LMBR1: variants seen among roughly 807,000 people sequenced by gnomAD.
LMBR1 encodes limb region 1 protein homolog.
A neutral mutation model predicts 73.9 loss-of-function variants in LMBR1; 52 were observed. The ratio of observed to expected loss-of-function variants is 0.70; its 90% CI spans 0.56 to 0.89. The LOEUF (loss-of-function observed/expected upper bound fraction) is 0.89. Among genes scored for constraint, LMBR1 ranks in the 40% least tolerant of loss-of-function variants. The probability of loss-of-function intolerance (pLI) is 0.00; values close to 1 mark genes in which losing one functional copy is unlikely to be tolerated. For synonymous variants in LMBR1, 215 were observed against 209.4 expected, an observed-to-expected ratio of 1.03 and a Z score of -0.23; for missense variants, 539 against 579.8, an observed-to-expected ratio of 0.93 and a Z score of 0.72.
intron 2 of LMBR1, among the ~76,000 whole-genome samples, chr7:156,836,414 A>G (rs1197255845): frequency 6.6e-6 from 1 of 152,222 alleles, no homozygotes; most frequent in East Asian, 1.9e-4. Context: ...ATTGGATACT[A>G]AATAGTATTA....
chr7:156,849,470 A>G (rs1240049194), intron 1 of LMBR1, among the ~76,000 whole-genome samples: 1 of 152,180 alleles, frequency 6.6e-6, no homozygotes, highest in Non-Finnish European at 1.5e-5. Context: ...AAACCTGTAC[A>G]TGTGCCCCTG....
intron 15 of LMBR1, among the ~76,000 whole-genome samples, chr7:156,694,768 C>G (rs1481064343): frequency 6.6e-6 from 1 of 152,172 alleles, no homozygotes; most frequent in East Asian, 1.9e-4. Flanking sequence ...AATTTCTATA[C>G]ACTAAGAATG....
intron 5 of LMBR1, among the ~76,000 whole-genome samples, chr7:156,768,661 C>A (rs1204999965): frequency 6.6e-6 from 1 of 152,152 alleles, no homozygotes; most frequent in Non-Finnish European, 1.5e-5. Context: ...GTATCTGCCA[C>A]TTTTTCACAT....
chr7:156,883,514 G>C (rs185315660), intron 1 of LMBR1, among the ~76,000 whole-genome samples: 1 of 152,188 alleles, frequency 6.6e-6, no homozygotes, highest in Admixed American at 6.5e-5. Flanking sequence ...AAGATATACA[G>C]GGACAGCAGT....
chr7:156,887,195 G>A (rs1481450481), intron 1 of LMBR1, among the ~76,000 whole-genome samples: 1 of 152,182 alleles, frequency 6.6e-6, no homozygotes, highest in Non-Finnish European at 1.5e-5. Context: ...GCTGGGCGCG[G>A]TGGCTCACGC....
chr7:156,848,194 T>C (rs34291908), intron 1 of LMBR1, among the ~76,000 whole-genome samples: 15,430 of 151,924 alleles, frequency 0.1, 899 homozygotes, highest in African/African-American at 0.12. Context: ...ACAAAGACAC[T>C]AAAAGCAACT....
intron 4 of LMBR1, among the ~76,000 whole-genome samples, chr7:156,811,683 T>C (rs1833124958): frequency 6.6e-6 from 1 of 152,190 alleles, no homozygotes; most frequent in South Asian, 2.1e-4. Flanking sequence ...AAGGTAGGCA[T>C]AGTGGACAAG....
chr7:156,845,228 G>C (rs191458202), intron 1 of LMBR1, among the ~76,000 whole-genome samples: 1 of 152,034 alleles, frequency 6.6e-6, no homozygotes, highest in African/African-American at 2.4e-5. Context: ...AAAATCCTGA[G>C]AGAGAAAGCA....
At chr7:156,877,711 G>A (rs11763631) in intron 1 of LMBR1, among the ~76,000 whole-genome samples, 6,029 of 151,956 alleles carry the variant, frequency 0.04, 168 homozygotes, top group Admixed American at 0.049. Flanking sequence ...ATGAAACCCC[G>A]TCTCTACTAA....
intron 1 of LMBR1, among the ~76,000 whole-genome samples, chr7:156,880,806 C>T (rs148698706): frequency 0.016 from 2,492 of 152,218 alleles, 30 homozygotes; most frequent in Middle Eastern, 0.037. Flanking sequence ...GCATGCGCCA[C>T]CACGCCCGGC....
At position 156,669,888 on chromosome 7, in the gene LMBR1, A is replaced by G. The variant is rs1260843938; in HGVS notation, n.867-601T>C. Among the ~76,000 whole-genome samples, 1 of 152,148 alleles carries G rather than the reference A, an allele frequency of 6.6e-6. No individual in the cohort carries two copies. Among genetic ancestry groups the G allele is most frequent in the Non-Finnish European group, 1.5e-5 (1 of 68,018 alleles). On this transcript the variant is annotated intron_variant and non_coding_transcript_variant, in intron 4 of 4. Coordinates refer to the LMBR1 transcript ENST00000430825. This position sits in a 1 kb window ranked among gnomAD's most constrained non-coding sequence, Gnocchi z 4.2. ...TGGGGACTCTGTTCCAGGTGACAGG[A>G]GGGCGGGCGGTCATGGCCTAGTGCC...
At chr7:156,753,524 T>C (rs1378080357) in intron 9 of LMBR1, among the ~76,000 whole-genome samples, 1 of 152,060 alleles carries the variant, frequency 6.6e-6, no homozygotes, top group Non-Finnish European at 1.5e-5. Context: ...AGGGGTTTTG[T>C]TCATGAGTTA....
In LMBR1 at chr7:156,893,167, G is replaced by C; in HGVS notation, c.-174C>G. 5 of 504,576 alleles carry C rather than the reference G, an allele frequency of 9.9e-6. No homozygotes were observed. Among genetic ancestry groups the C allele is most frequent in the Middle Eastern group, 5.6e-4 (1 of 1,772 alleles). The allele number at this position is 504,576 out of a possible 1,614,324, so 31.3% of individuals were successfully genotyped here. Reference sequence around the variant, plus strand: ...ACCGGCCGTCGCCTCAGCAGCCTCAGACGAGCAGCTCTGACTAAGGGAGGG... The same window carrying C: ...ACCGGCCGTCGCCTCAGCAGCCTCACACGAGCAGCTCTGACTAAGGGAGGG... On this transcript the variant is annotated 5_prime_UTR_variant, in exon 1 of 17. Coordinates refer to ENST00000353442, the MANE Select transcript of LMBR1 (RefSeq NM_022458.4).
chr7:156,833,557 A>T, intron 3 of LMBR1, 196 bp downstream of exon 3: 1 of 541,152 alleles, frequency 1.8e-6, no homozygotes, highest in South Asian at 2.4e-5. Context: ...CAGCTCCTTA[A>T]ATATGCAAAT....
At chr7:156,865,578 T>C (rs1181517480) in intron 1 of LMBR1, among the ~76,000 whole-genome samples, 1 of 152,166 alleles carries the variant, frequency 6.6e-6, no homozygotes, top group Non-Finnish European at 1.5e-5. Flanking sequence ...TTGACAGGCT[T>C]ATCCTAAATT....
intron 1 of LMBR1, among the ~76,000 whole-genome samples, chr7:156,861,929 GAT>G (rs1797778415): frequency 1.3e-5 from 2 of 152,286 alleles, no homozygotes; most frequent in African/African-American, 4.8e-5. Flanking sequence ...TCTCTAGGGA[GAT>G]CCAAACTTTT....
At chr7:156,715,654 A>G (rs1813051359) in intron 15 of LMBR1, among the ~76,000 whole-genome samples, 1 of 152,184 alleles carries the variant, frequency 6.6e-6, no homozygotes, top group South Asian at 2.1e-4. Flanking sequence ...TCCTCACCCT[A>G]GTTCCTGGCA....
chr7:156,768,297 C>A (rs563844755), intron 5 of LMBR1, among the ~76,000 whole-genome samples: 1 of 151,788 alleles, frequency 6.6e-6, no homozygotes, highest in East Asian at 1.9e-4. Flanking sequence ...GCGGAGGTTG[C>A]GTTGCAGTGA....
At chr7:156,832,375 AG>A (rs1370995273) in intron 3 of LMBR1, among the ~76,000 whole-genome samples, 2 of 152,194 alleles carry the variant, frequency 1.3e-5, no homozygotes, top group Non-Finnish European at 2.9e-5. Flanking sequence ...AGGGGTGTGT[AG>A]TTCATTCACA....
Sources: gnomAD v4.1 joint callset for allele counts (sites outside exome capture counted in the v4.1 genomes callset) on GRCh38, gnomAD v4.1.1 for gene constraint, Gnocchi (gnomAD v3.1) non-coding constraint, MANE v1.5 for transcripts, NCBI Gene and HGNC (gene_info 2026-07-23, HGNC 2026-07-21) for gene names.